Variants in XXYLT1 observed in about 807,000 individuals in gnomAD.
The protein encoded by XXYLT1 is UDP-xylose:alpha-xyloside alpha-1,3-xylosyltransferase.
Under a neutral mutation model 28.9 loss-of-function variants are expected in XXYLT1, and 20 were observed. That is an observed-to-expected ratio of 0.69 (90% CI 0.49 to 1.00). XXYLT1 has a LOEUF of 1.00. Among genes scored for constraint, XXYLT1 ranks in the 50% least tolerant of loss-of-function variants. The pLI is 0.00. For missense variants in XXYLT1, 542 were observed against 560.1 expected, an observed-to-expected ratio of 0.97 and a Z score of 0.33; for synonymous variants, 257 against 253.8, an observed-to-expected ratio of 1.01 and a Z score of -0.12.
intron 3 of XXYLT1, among the ~76,000 whole-genome samples, chr3:195,109,593 C>CAT (rs1553803407): frequency 2.3e-5 from 3 of 130,732 alleles, no homozygotes; most frequent in Non-Finnish European, 4.8e-5. Flanking sequence ...TATGAGTGCA[C>CAT]GTGTGTGTGG....
At chr3:195,244,874 A>C (rs1577191471) in intron 1 of XXYLT1, among the ~76,000 whole-genome samples, 1 of 147,946 alleles carries the variant, frequency 6.8e-6, no homozygotes, top group South Asian at 2.2e-4. Context: ...ACAAAAAAAA[A>C]CCCACTCCCG....
chr3:195,087,750 C>A (rs1715818340), intron 3 of XXYLT1, among the ~76,000 whole-genome samples: 1 of 152,200 alleles, frequency 6.6e-6, no homozygotes, highest in South Asian at 2.1e-4. Context: ...ACGGTGATTT[C>A]TGCATTTCCA....
chr3:195,258,850 T>C (rs541372112), intron 1 of XXYLT1, among the ~76,000 whole-genome samples: 60 of 152,296 alleles, frequency 3.9e-4, no homozygotes, highest in South Asian at 1.2e-3. Context: ...GTTTGGAGAA[T>C]TGAAGACTTG....
chr3:195,220,552 G>A (rs1039283865), intron 2 of XXYLT1, among the ~76,000 whole-genome samples: 9 of 152,144 alleles, frequency 5.9e-5, no homozygotes, highest in South Asian at 4.1e-4. Context: ...ACTCAGCTCT[G>A]TCCGATCCTG....
In XXYLT1 at chr3:195,129,922, C is replaced by A. The variant is rs1718818972; in HGVS notation, c.785+26527G>T. On this transcript the variant is annotated intron_variant, in intron 3 of 3. Transcript: ENST00000310380. The surrounding 1 kb of genome is among the most constrained non-coding windows in gnomAD (Gnocchi z 4.4). ...AGAGCAGCTGTACCACTTCATATTCCCACCACCAGTGAGTGCGGGTTCCCA... is the reference window on the plus strand; with the variant it reads ...AGAGCAGCTGTACCACTTCATATTCACACCACCAGTGAGTGCGGGTTCCCA... 6.6e-6 allele frequency among the ~76,000 whole-genome samples: 1 copy of A among 152,164 alleles called. No homozygotes were observed. Among genetic ancestry groups the A allele is most frequent in the Admixed American group, 6.5e-5 (1 of 15,280 alleles).
chr3:195,111,252 T>C (rs1232149981), intron 3 of XXYLT1, among the ~76,000 whole-genome samples: 2 of 152,164 alleles, frequency 1.3e-5, no homozygotes, highest in Non-Finnish European at 2.9e-5. Context: ...TTCCTCTTTT[T>C]ATAAGAACAC....
intron 1 of XXYLT1, among the ~76,000 whole-genome samples, chr3:195,230,187 A>T (rs943223328): frequency 1.3e-5 from 2 of 152,208 alleles, no homozygotes; most frequent in Non-Finnish European, 2.9e-5. Flanking sequence ...TCTTCTCTGG[A>T]GAAACATCTA....
At chr3:195,121,508 G>A (rs1362938361) in intron 3 of XXYLT1, among the ~76,000 whole-genome samples, 1 of 152,166 alleles carries the variant, frequency 6.6e-6, no homozygotes, top group Non-Finnish European at 1.5e-5. Context: ...AGCCTCTGAA[G>A]GCTCCTCTTT....
chr3:195,167,827 T>C (rs1721204677), intron 2 of XXYLT1, among the ~76,000 whole-genome samples: 1 of 152,114 alleles, frequency 6.6e-6, no homozygotes, highest in South Asian at 2.1e-4. Flanking sequence ...GCAGGGGAAC[T>C]GGACAAGGCA....
At chr3:195,164,178 G>T (rs1721003522) in intron 2 of XXYLT1, among the ~76,000 whole-genome samples, 1 of 152,256 alleles carries the variant, frequency 6.6e-6, no homozygotes, top group Non-Finnish European at 1.5e-5. Flanking sequence ...CCACTTTACA[G>T]ATCAAGAAAT....
intron 3 of XXYLT1, among the ~76,000 whole-genome samples, chr3:195,134,340 A>T (rs1022173583): frequency 2.0e-5 from 3 of 152,236 alleles, no homozygotes; most frequent in Admixed American, 6.5e-5. Context: ...AGCAACTTCC[A>T]GTCCTACAAG....
At chr3:195,103,123 C>T (rs1191122510) in intron 3 of XXYLT1, among the ~76,000 whole-genome samples, 1 of 152,202 alleles carries the variant, frequency 6.6e-6, no homozygotes, top group African/African-American at 2.4e-5. Flanking sequence ...TGGCGGCTCA[C>T]GCTAGTAACA....
chr3:195,260,752 C>T (rs1332880781), intron 1 of XXYLT1, among the ~76,000 whole-genome samples: 1 of 152,244 alleles, frequency 6.6e-6, no homozygotes, highest in African/African-American at 2.4e-5. Flanking sequence ...CACTTAGTCA[C>T]TGCCCCTTTC....
chr3:195,107,559 G>GAGGAGGGGGAGGAGGAGGGGGAGGAGGA (rs1257222692), intron 3 of XXYLT1, among the ~76,000 whole-genome samples: 1 of 6,220 alleles, frequency 1.6e-4, no homozygotes, highest in Admixed American at 1.6e-3. Context: ...GGGGGAAGAG[G>GAGGAGGGGGAGGAGGAGGGGGAGGAGGA]GGGAGAGGAG....
chr3:195,268,439 A>C (rs898549104), intron 1 of XXYLT1, among the ~76,000 whole-genome samples: 1 of 151,874 alleles, frequency 6.6e-6, no homozygotes, highest in African/African-American at 2.4e-5. Flanking sequence ...CTCAAAAAAA[A>C]AAAAACAAAA....
chr3:195,255,752 C>T lies in XXYLT1; in HGVS notation c.504+14803G>A, dbSNP rs974257941. 1.2e-4 allele frequency among the ~76,000 whole-genome samples: 19 copies of T among 152,184 alleles called. No individual in the cohort carries two copies. Among genetic ancestry groups the T allele is most frequent in the Admixed American group, 7.8e-4 (12 of 15,290 alleles). ...TTGTCCACTGAGCAGCTGTGTGGCC[C>T]TGAGCAAGTTGCTTGGCCTCTCTGG... is the stretch of plus-strand genomic sequence containing the variant. On this transcript the variant is annotated intron_variant, in intron 1 of 3. Coordinates refer to ENST00000310380, the MANE Select transcript of XXYLT1 (RefSeq NM_152531.5). The surrounding 1 kb of genome is among the most constrained non-coding windows in gnomAD (Gnocchi z 4.5).
intron 2 of XXYLT1, among the ~76,000 whole-genome samples, chr3:195,226,113 C>CT (rs1230499774): frequency 6.6e-5 from 10 of 152,102 alleles, no homozygotes; most frequent in African/African-American, 2.4e-4. Flanking sequence ...TTAGACCCTC[C>CT]AAGGCTTCCA....
At position 195,111,755 on chromosome 3, in the gene XXYLT1, C is replaced by A. The variant is rs551643291; in HGVS notation, c.786-41644G>T. Among the ~76,000 whole-genome samples, 127 of 152,280 alleles carry A rather than the reference C, an allele frequency of 8.3e-4. 1 individual carries two copies. The highest frequency in any genetic ancestry group is 2.8e-3 in the African/African-American group (117 of 41,548). ...CGTGGTAAGATTAACAGACAGACTT[C>A]TAACATAAGCTGTCTTCACAGGGCC... On this transcript the variant is annotated intron_variant, in intron 3 of 3. Transcript: ENST00000310380.
At chr3:195,160,923 G>T (rs116168845) in intron 2 of XXYLT1, among the ~76,000 whole-genome samples, 2 of 152,220 alleles carry the variant, frequency 1.3e-5, no homozygotes, top group Non-Finnish European at 2.9e-5. Context: ...CTGTCAAAGC[G>T]CTCTTCTCCA....
Sources: allele counts gnomAD v4.1 joint callset (sites outside exome capture counted in the v4.1 genomes callset), GRCh38; gene constraint gnomAD v4.1.1; non-coding constraint Gnocchi (gnomAD v3.1); transcripts MANE v1.5; gene names NCBI Gene and HGNC (gene_info 2026-07-23, HGNC 2026-07-21).